RAB5C: variants seen among roughly 807,000 people sequenced by gnomAD.
The protein encoded by RAB5C is RAB5C, member RAS oncogene family.
RAB5C carries 4 observed loss-of-function variants against 25.2 expected under a neutral mutation model. The observed-to-expected ratio is 0.16, with a 90% CI of 0.08 to 0.36. The LOEUF is 0.36. RAB5C is among the 10% of genes least tolerant of loss of function. RAB5C has a pLI of 1.00. For synonymous variants in RAB5C, 100 were observed against 106.4 expected (o/e 0.94, Z 0.37); for missense variants, 199 against 283.8 (o/e 0.70, Z 2.15).
intron 1 of RAB5C, among the ~76,000 whole-genome samples, chr17:42,148,035 T>C (rs1464290977): frequency 1.3e-5 from 2 of 150,318 alleles, no homozygotes; most frequent in East Asian, 1.9e-4. Flanking sequence ...GAGGCGGAGG[T>C]TGTGGTGAGC....
intron 1 of RAB5C, among the ~76,000 whole-genome samples, chr17:42,146,168 A>G (rs1465216447): frequency 6.6e-6 from 1 of 152,112 alleles, no homozygotes; most frequent in East Asian, 1.9e-4. Context: ...CAAAAACAAT[A>G]AAAGTCTGAG....
At chr17:42,150,865 C>G (rs2079666475) in intron 1 of RAB5C, among the ~76,000 whole-genome samples, 2 of 151,990 alleles carry the variant, frequency 1.3e-5, no homozygotes, top group South Asian at 4.1e-4. Context: ...AAAAAAAGAA[C>G]CTTCAAACCC....
intron 1 of RAB5C, chr17:42,131,528 C>A (rs1345737689): frequency 1.5e-6 from 2 of 1,372,234 alleles, no homozygotes; most frequent in East Asian, 5.0e-5. Context: ...CCGAAACAAA[C>A]ACACACAGAA....
intron 1 of RAB5C, chr17:42,131,842 G>A (rs1159264013): frequency 2.0e-6 from 1 of 507,298 alleles, no homozygotes; most frequent in Non-Finnish European, 3.6e-6. Flanking sequence ...ATAAGTGGAT[G>A]TCTCATCAGA....
intron 1 of RAB5C, among the ~76,000 whole-genome samples, chr17:42,145,504 C>A (rs1164792226): frequency 6.6e-6 from 1 of 152,230 alleles, no homozygotes; most frequent in Non-Finnish European, 1.5e-5. Context: ...GAAAAAAACA[C>A]TGGACACAGC....
rs548858103 is a variant in RAB5C at position 42,138,321 on chromosome 17, GC to G, written c.-88-7732del. On this transcript the variant is annotated intron_variant, in intron 1 of 5. Transcript: ENST00000346213. Reference sequence around the variant, plus strand: ...CTAAGAGTCTAACAGGGGAAGCTTGGCCCTGGCCCTGGAAGCCAGAAGCTTA... The same window carrying G: ...CTAAGAGTCTAACAGGGGAAGCTTGGCCTGGCCCTGGAAGCCAGAAGCTTA... Among the ~76,000 whole-genome samples the G allele has an allele frequency of 2.8e-4, 42 of 152,304 alleles. 1 individual carries two copies. In the South Asian group the frequency reaches 8.7e-3, roughly 32 times the overall value.
At chr17:42,129,979 G>C (rs1313743762) in intron 2 of RAB5C, among the ~76,000 whole-genome samples, 1 of 152,198 alleles carries the variant, frequency 6.6e-6, no homozygotes. Context: ...AAAGGCCAGG[G>C]CACATGGACC....
chr17:42,139,523 C>T (rs1003837327), intron 1 of RAB5C, among the ~76,000 whole-genome samples: 1 of 152,118 alleles, frequency 6.6e-6, no homozygotes, highest in Non-Finnish European at 1.5e-5. Context: ...AGTGCAGTGG[C>T]GTGATCTCGG....
In RAB5C at chr17:42,142,410, G is replaced by A. The variant is rs28379565; in HGVS notation, c.-88-11820C>T. ...TTCAGGAAAGGGAAGAAGCAGTTCAGTTGTTGAGAGGGCTAGGGGACAGGA... is the reference window on the plus strand; with the variant it reads ...TTCAGGAAAGGGAAGAAGCAGTTCAATTGTTGAGAGGGCTAGGGGACAGGA... On this transcript the variant is annotated intron_variant, in intron 1 of 5. Transcript: ENST00000346213. 8.5e-3 allele frequency among the ~76,000 whole-genome samples: 1,294 copies of A among 152,284 alleles called. 22 individuals carry two copies. Among genetic ancestry groups the A allele is most frequent in the African/African-American group, 0.029 (1,222 of 41,532 alleles).
chr17:42,126,719 T>A (rs1468315615), intron 5 of RAB5C, 36 bp downstream of exon 5: 1 of 1,360,688 alleles, frequency 7.3e-7, no homozygotes. Flanking sequence ...ATGCCCTTGC[T>A]GTGGTGGAGA....
At chr17:42,135,057 T>C (rs1021744909) in intron 1 of RAB5C, among the ~76,000 whole-genome samples, 40 of 151,260 alleles carry the variant, frequency 2.6e-4, no homozygotes, top group African/African-American at 9.7e-4. Flanking sequence ...CTCTGCTTAC[T>C]GCAACCTCTG....
intron 1 of RAB5C, among the ~76,000 whole-genome samples, chr17:42,135,969 C>A (rs1380486438): frequency 6.6e-6 from 1 of 152,146 alleles, no homozygotes; most frequent in Non-Finnish European, 1.5e-5. Flanking sequence ...GGCCTGAGAA[C>A]CAAGTGACCC....
intron 1 of RAB5C, among the ~76,000 whole-genome samples, chr17:42,144,496 TAG>T (rs1401369161): frequency 1.3e-5 from 2 of 149,300 alleles, no homozygotes; most frequent in Non-Finnish European, 3.0e-5. Context: ...TGGGGGAAAA[TAG>T]ACAAGTCTCT....
At chr17:42,131,822 T>C in intron 1 of RAB5C, 3 of 534,402 alleles carry the variant, frequency 5.6e-6, no homozygotes, top group Middle Eastern at 5.0e-4. Flanking sequence ...TCTAGAAGCC[T>C]CTAGAAGACA....
At chr17:42,133,593 A>T (rs2054507596) in intron 1 of RAB5C, among the ~76,000 whole-genome samples, 1 of 152,206 alleles carries the variant, frequency 6.6e-6, no homozygotes, top group South Asian at 2.1e-4. Context: ...GGTGAAGCAC[A>T]CCCACTGAAG....
intron 1 of RAB5C, among the ~76,000 whole-genome samples, chr17:42,141,069 TCCA>T (rs769388529): frequency 1.1e-4 from 16 of 152,176 alleles, no homozygotes; most frequent in Non-Finnish European, 2.2e-4. Context: ...GCTCAAGTGA[TCCA>T]CCTGCTTCAG....
Position 42,130,539 on chromosome 17 carries a change from G to A in RAB5C, c.-37C>T, listed in dbSNP as rs759380944. 6.2e-7 allele frequency: 1 copy of A among 1,611,228 alleles called. No individual in the cohort carries two copies. Among genetic ancestry groups the A allele is most frequent in the African/African-American group, 1.3e-5 (1 of 75,022 alleles). ...CTGTAGTGGTCCAGAGAGCGTGCGG[G>A]TGGGGACTGGTGCTATGCAAAGAGG... is the stretch of plus-strand genomic sequence containing the variant. On this transcript the variant is annotated 5_prime_UTR_variant, in exon 2 of 6. Transcript: ENST00000346213.
intron 4 of RAB5C, among the ~76,000 whole-genome samples, chr17:42,127,175 A>G (rs900014141): frequency 6.6e-6 from 1 of 152,218 alleles, no homozygotes; most frequent in African/African-American, 2.4e-5. Flanking sequence ...CAAAAGCACA[A>G]AAGTATGTGG....
intron 1 of RAB5C, among the ~76,000 whole-genome samples, chr17:42,141,939 C>G (rs2079605359): frequency 6.6e-6 from 1 of 152,116 alleles, no homozygotes; most frequent in South Asian, 2.1e-4. Context: ...CCTCTTACCT[C>G]CAGTTTCCCG....
Sources: gnomAD v4.1 joint callset for allele counts (sites outside exome capture counted in the v4.1 genomes callset) on GRCh38, gnomAD v4.1.1 for gene constraint, MANE v1.5 for transcripts, NCBI Gene and HGNC (gene_info 2026-07-23, HGNC 2026-07-21) for gene names.